DNAH6: variants seen among roughly 807,000 people sequenced by gnomAD.
DNAH6 encodes the protein dynein axonemal heavy chain 6.
DNAH6 carries 340 observed loss-of-function variants against 491.4 expected under a neutral mutation model. The ratio of observed to expected loss-of-function variants is 0.69; its 90% CI spans 0.63 to 0.76. The LOEUF (loss-of-function observed/expected upper bound fraction) is 0.76, where lower values mean the gene tolerates loss of function less well. Ranked by LOEUF, DNAH6 falls within the 30% of genes least tolerant of loss-of-function variation. The pLI, the probability that DNAH6 is intolerant of heterozygous loss-of-function variation, is 0.00. For synonymous variants in DNAH6, 1,603 were observed against 1,686.1 expected (o/e 0.95, Z 1.21); for missense variants, 4,443 against 4,972.2 (o/e 0.89, Z 3.20).
chr2:84,761,006 A>G (rs1012300834), intron 63 of DNAH6, among the ~76,000 whole-genome samples: 1 of 152,236 alleles, frequency 6.6e-6, no homozygotes, highest in Non-Finnish European at 1.5e-5. Context: ...TATCAAAAAG[A>G]TAATTGCACT....
Position 84,677,233 on chromosome 2 carries a change from T to C in DNAH6, c.6744+97T>C. 2.1e-6 allele frequency: 3 copies of C among 1,461,072 alleles called. No individual in the cohort carries two copies. The South Asian group carries it at 3.9e-5, about 19-fold the overall frequency. 90.5% of individuals were successfully genotyped at this position (1,461,072 alleles called of 1,614,324 possible). A position where few individuals can be genotyped will look rare whatever the true frequency, so the allele number is the denominator to read the frequency against. On this transcript the variant is annotated intron_variant, in intron 41 of 76. Transcript: ENST00000389394. Reference sequence around the variant, plus strand: ...AGTGGTGTCTTGTGTTTCTAAGGAGTCCATCTATCCGTCTCTTTCCTGAGC... The same window carrying C: ...AGTGGTGTCTTGTGTTTCTAAGGAGCCCATCTATCCGTCTCTTTCCTGAGC...
chr2:84,537,982 G>A (rs1325757058), intron 4 of DNAH6, among the ~76,000 whole-genome samples: 3 of 152,020 alleles, frequency 2.0e-5, no homozygotes, highest in Non-Finnish European at 4.4e-5. Context: ...TGTTCTAAAT[G>A]TTTTATATGT....
chr2:84,791,303 C>G (rs961837374), intron 68 of DNAH6, among the ~76,000 whole-genome samples: 3 of 151,200 alleles, frequency 2.0e-5, no homozygotes, highest in African/African-American at 7.3e-5. Context: ...TGGTGAATGG[C>G]TAAGTAAAAT....
intron 59 of DNAH6, among the ~76,000 whole-genome samples, chr2:84,720,510 C>T (rs1262439366): frequency 1.3e-5 from 2 of 151,596 alleles, no homozygotes; most frequent in African/African-American, 4.8e-5. Flanking sequence ...GATCTCCTGA[C>T]CTCGTGATCC....
chr2:84,459,613 G>A, the DNAH6 span: 1 of 269,588 alleles, frequency 3.7e-6, no homozygotes. Flanking sequence ...CGAGGGAAGA[G>A]CGGCAGTGAG....
chr2:84,506,928 C>G, the DNAH6 span, among the ~76,000 whole-genome samples: 1 of 152,056 alleles, frequency 6.6e-6, no homozygotes, highest in Non-Finnish European at 1.5e-5. Context: ...TGGTCTATAT[C>G]TCTGTTTTGG....
intron 63 of DNAH6, among the ~76,000 whole-genome samples, chr2:84,756,858 CT>C (rs1005396020): frequency 1.8e-4 from 27 of 152,164 alleles, no homozygotes; most frequent in African/African-American, 5.5e-4. Flanking sequence ...CAGTCAGAGA[CT>C]GTGTGAAGGA....
In DNAH6 at chr2:84,791,217, A is replaced by C. The variant is rs187789988; in HGVS notation, c.11239+3915A>C. On this transcript the variant is annotated intron_variant, in intron 68 of 76. Transcript: ENST00000389394. Reference sequence around the variant, plus strand: ...AAAAAAAAAGAAAAAAGAAAAAAAAAACACACACAAAAACAAAACTTGTAC... The same window carrying C: ...AAAAAAAAAGAAAAAAGAAAAAAAACACACACACAAAAACAAAACTTGTAC... Among the ~76,000 whole-genome samples, 786 of 151,950 alleles carry C rather than the reference A, an allele frequency of 5.2e-3. 7 individuals are homozygous for C. The highest frequency in any genetic ancestry group is 0.018 in the African/African-American group (738 of 41,412).
At chr2:84,557,094 T>C (rs970047878) in intron 10 of DNAH6, among the ~76,000 whole-genome samples, 1 of 152,198 alleles carries the variant, frequency 6.6e-6, no homozygotes, top group Admixed American at 6.5e-5. Flanking sequence ...TCAAAGAATA[T>C]AAACTTTGAA....
intron 13 of DNAH6, 100 bp from the exon 14 acceptor site, chr2:84,579,427 A>G (rs1682793318): frequency 7.6e-7 from 1 of 1,323,658 alleles, no homozygotes; most frequent in Non-Finnish European, 1.1e-6. Context: ...GCTGCTTCCA[A>G]TGCCTGCTGA....
At chr2:84,571,227 C>G (rs1278023315) in intron 11 of DNAH6, among the ~76,000 whole-genome samples, 1 of 152,090 alleles carries the variant, frequency 6.6e-6, no homozygotes, top group East Asian at 1.9e-4. Context: ...AGAAAATTCA[C>G]TACAGAAGCC....
intron 41 of DNAH6, among the ~76,000 whole-genome samples, chr2:84,681,071 T>C (rs1382156539): frequency 6.6e-6 from 1 of 152,116 alleles, no homozygotes; most frequent in African/African-American, 2.4e-5. Context: ...GATGACCCCT[T>C]GGACTCACCT....
At chr2:84,639,166 C>T (rs1689147551) in intron 31 of DNAH6, among the ~76,000 whole-genome samples, 1 of 152,030 alleles carries the variant, frequency 6.6e-6, no homozygotes, top group Non-Finnish European at 1.5e-5. Flanking sequence ...GGGTGGGGGG[C>T]AGTTAGGACA....
At chr2:84,507,506 C>G in the DNAH6 span, among the ~76,000 whole-genome samples, 1 of 152,172 alleles carries the variant, frequency 6.6e-6, no homozygotes, top group Non-Finnish European at 1.5e-5. Context: ...GTCATGTCAT[C>G]TGCAAACAGG....
intron 56 of DNAH6, 41 bp from the exon 57 acceptor site, chr2:84,713,054 T>C: frequency 4.6e-6 from 7 of 1,509,426 alleles, no homozygotes; most frequent in Non-Finnish European, 6.2e-6. Flanking sequence ...CCATTTTAAT[T>C]GCTTCTTTTT....
intron 70 of DNAH6, among the ~76,000 whole-genome samples, chr2:84,797,957 CAAT>C (rs1321059532): frequency 1.3e-5 from 2 of 152,120 alleles, no homozygotes; most frequent in African/African-American, 4.8e-5. Context: ...ATGAGGATTT[CAAT>C]AATAATATAA....
chr2:84,517,085 C>A (rs1044406804), intron 1 of DNAH6, among the ~76,000 whole-genome samples: 27 of 152,176 alleles, frequency 1.8e-4, no homozygotes, highest in Admixed American at 5.2e-4. Flanking sequence ...TTGGCCAGCA[C>A]TGATCTATAT....
At position 84,725,290 on chromosome 2, in the gene DNAH6, A is replaced by G. The variant is rs139808321; in HGVS notation, c.9973-2379A>G. On this transcript the variant is annotated intron_variant, in intron 60 of 76. Transcript: ENST00000389394. ...CGATAATGGTTGGAGGTCCAGGAAC[A>G]GTTTCTATTTCCAGGAAAGAATGGA... 2.9e-4 allele frequency among the ~76,000 whole-genome samples: 44 copies of G among 152,364 alleles called. No individual in the cohort carries two copies. The East Asian group carries it at 8.1e-3, about 28-fold the overall frequency.
At chr2:84,775,366 G>T (rs1676022017) in intron 64 of DNAH6, among the ~76,000 whole-genome samples, 1 of 152,066 alleles carries the variant, frequency 6.6e-6, no homozygotes, top group Non-Finnish European at 1.5e-5. Context: ...AAGCCTACTT[G>T]GTCATGGTGA....
Sources: gnomAD v4.1 joint callset for allele counts (sites outside exome capture counted in the v4.1 genomes callset) on GRCh38, gnomAD v4.1.1 for gene constraint, MANE v1.5 for transcripts, NCBI Gene and HGNC (gene_info 2026-07-23, HGNC 2026-07-21) for gene names.